Variants in SRRM2 observed in about 807,000 individuals in gnomAD.
SRRM2 encodes serine/arginine repetitive matrix protein 2.
In SRRM2, 30 loss-of-function variants were observed where a neutral mutation model predicts 213.8. The observed-to-expected ratio is 0.14, with a 90% CI of 0.10 to 0.19. SRRM2 has a LOEUF of 0.19. Among genes scored for constraint, SRRM2 ranks in the 10% least tolerant of loss-of-function variants. The probability of loss-of-function intolerance (pLI) is 1.00; values close to 1 mark genes in which losing one functional copy is unlikely to be tolerated. For missense variants in SRRM2, 4,904 were observed against 3,647.0 expected (o/e 1.34, Z -8.88); for synonymous variants, 2,025 against 1,377.7 (o/e 1.47, Z -10.40).
chr16:2,758,444 C>T, intron 4 of SRRM2, 26 bp from the exon 5 acceptor site: 1 of 1,588,782 alleles, frequency 6.3e-7, no homozygotes, highest in South Asian at 1.1e-5. Flanking sequence ...TACCACCCAT[C>T]TCTGCTGCTT....
chr16:2,767,943 C>G lies in SRRM2; in HGVS notation c.7415C>G (p.Ser2472Cys), dbSNP rs1483318740. ...GCCCAGACCACCCCTGTAGCAGGGT[C>G]TCAGTCCCTTTCCTCTGGGGCAGTG... ...LIAQTTPVAG[S>C]QSLSSGAVAT... The change falls in exon 11 of 15, where the codon TCT becomes TGT. Residue 2472 changes from serine to cysteine, a missense_variant. Physicochemically the swap from Ser to Cys is moderately radical, Grantham distance 112 (BLOSUM62 -1). Transcript: ENST00000301740. 5 of 1,614,096 alleles carry G rather than the reference C, an allele frequency of 3.1e-6. No homozygotes were observed. Among genetic ancestry groups the G allele is most frequent in the Non-Finnish European group, 4.2e-6 (5 of 1,180,044 alleles).
chr16:2,753,668 C>G (rs868149351), intron 1 of SRRM2: 2 of 152,218 alleles, frequency 1.3e-5, no homozygotes, highest in Non-Finnish European at 2.9e-5. Context: ...CGTTCTTTGG[C>G]ACACAGCTCT....
intron 13 of SRRM2, 50 bp from the exon 14 acceptor site, chr16:2,770,554 G>A: frequency 6.4e-7 from 1 of 1,551,424 alleles, no homozygotes; most frequent in Non-Finnish European, 8.7e-7. Flanking sequence ...TGGCTATGTG[G>A]TGCCTGAGGT....
In SRRM2 at chr16:2,758,354, G is replaced by A. The variant is rs148008969; in HGVS notation, c.516-116G>A. The A allele has an allele frequency of 4.0e-4, 396 of 987,314 alleles. No individual in the cohort carries two copies. In the African/African-American group the frequency reaches 5.7e-3, roughly 14 times the overall value. 61.2% of individuals were successfully genotyped at this position (987,314 alleles called of 1,614,324 possible). ...CCACTGCACCCCACCTGAGGCAACA[G>A]AGCGAGACTCTTATTTTTTTATTTT... On this transcript the variant is annotated intron_variant, in intron 4 of 14. Coordinates refer to ENST00000301740, the MANE Select transcript of SRRM2 (RefSeq NM_016333.4).
Position 2,765,795 on chromosome 16 carries a change from C to G in SRRM2, c.5267C>G (p.Thr1756Ser). 2 of 1,614,114 alleles carry G rather than the reference C, an allele frequency of 1.2e-6. No individual in the cohort carries two copies. Among genetic ancestry groups the G allele is most frequent in the Non-Finnish European group, 1.7e-6 (2 of 1,180,048 alleles). ...RSASSPRTKT[T>S]SRRGRSPSPK... is the part of the protein sequence containing the mutation. ...GCTTCATCTCCACGCACTAAGACAA[C>G]CTCAAGGAGAGGCCGCTCTCCTTCG... Residue 1756 changes from threonine to serine, a missense_variant, in exon 11 of 15, where the codon ACC becomes AGC. Thr to Ser is a moderately conservative substitution (Grantham distance 58). Transcript: ENST00000301740.
chr16:2,762,137 C>T lies in SRRM2; in HGVS notation c.1609C>T (p.Pro537Ser), dbSNP rs201388685. Residue 537 changes from proline (P) to serine (S), a missense_variant, in exon 11 of 15, where the codon CCT becomes TCT. By Grantham distance (74) the Pro-to-Ser change is moderately conservative. Coordinates refer to ENST00000301740, the MANE Select transcript of SRRM2 (RefSeq NM_016333.4). ...SPQRRGRSRSPQRPGWSRSRN... is the reference protein window; with the variant it reads ...SPQRRGRSRSSQRPGWSRSRN... ...CCAGCGACGTGGCCGCTCTAGGTCTCCTCAGCGACCAGGCTGGTCTAGGAG... is the reference window on the plus strand; with the variant it reads ...CCAGCGACGTGGCCGCTCTAGGTCTTCTCAGCGACCAGGCTGGTCTAGGAG... 3.8e-5 allele frequency: 61 copies of T among 1,613,478 alleles called. No individual in the cohort carries two copies. The highest frequency in any genetic ancestry group is 1.7e-4 in the Admixed American group (10 of 59,960).
chr16:2,757,645 C>G (rs2068193357), intron 3 of SRRM2, 66 bp downstream of exon 3: 3 of 1,583,632 alleles, frequency 1.9e-6, no homozygotes, highest in East Asian at 4.5e-5. Flanking sequence ...TGCTGCTGTC[C>G]TTTTCCTTAC....
Position 2,766,765 on chromosome 16 carries a change from T to G in SRRM2, c.6237T>G (p.Ser2079=). ...CTCCTCCAGCCATCCGCAGGCGTTCTGCATCTGGAAGTAGTTCTGATCGTT... is the reference window on the plus strand; with the variant it reads ...CTCCTCCAGCCATCCGCAGGCGTTCGGCATCTGGAAGTAGTTCTGATCGTT... The part of the protein sequence containing the change: ...TRSPPAIRRR[S]ASGSSSDRSR... The change falls in exon 11 of 15, where the codon TCT becomes TCG. Residue 2079 remains serine (S), a synonymous_variant. Coordinates refer to ENST00000301740, the MANE Select transcript of SRRM2 (RefSeq NM_016333.4). The surrounding 1 kb of genome is among the most constrained non-coding windows in gnomAD (Gnocchi z 7.0). 6.2e-7 allele frequency: 1 copy of G among 1,614,200 alleles called. No individual in the cohort carries two copies. The highest frequency in any genetic ancestry group is 8.5e-7 in the Non-Finnish European group (1 of 1,180,038).
rs1439636533 is a variant in SRRM2, at chr16:2,762,275, A to C, written c.1747A>C (p.Arg583=). The C allele has an allele frequency of 6.2e-7, 1 of 1,614,028 alleles. No homozygotes were observed. Among genetic ancestry groups the C allele is most frequent in the East Asian group, 2.2e-5 (1 of 44,894 alleles). Residue 583 remains arginine (R), a synonymous_variant, in exon 11 of 15, where the codon AGG becomes CGG. Coordinates refer to ENST00000301740, the MANE Select transcript of SRRM2 (RefSeq NM_016333.4). ...TTCTAGAACACCAGCCCGCCGGGGCAGGTCCCGCTCTAGAACACCTGCCAG... is the reference window on the plus strand; with the variant it reads ...TTCTAGAACACCAGCCCGCCGGGGCCGGTCCCGCTCTAGAACACCTGCCAG... ...SRSRTPARRG[R]SRSRTPARRR... is the part of the protein sequence containing the mutation.
At position 2,762,125 on chromosome 16, in the gene SRRM2, C is replaced by T. The variant is rs137870448; in HGVS notation, c.1597C>T (p.Arg533Cys). The part of the protein sequence containing the change: ...GRSRSPQRRG[R>C]SRSPQRPGWS... ...ATCTAGAAGCCCCCAGCGACGTGGC[C>T]GCTCTAGGTCTCCTCAGCGACCAGG... The change falls in exon 11 of 15, where the codon CGC becomes TGC. Residue 533 changes from arginine (R) to cysteine (C), a missense_variant. Coordinates refer to ENST00000301740, the MANE Select transcript of SRRM2 (RefSeq NM_016333.4). 102 of 1,614,198 alleles carry T rather than the reference C, an allele frequency of 6.3e-5. No homozygotes were observed. The African/African-American group carries it at 8.4e-4, about 13-fold the overall frequency.
Position 2,761,961 on chromosome 16 carries a change from C to T in SRRM2, c.1433C>T (p.Ser478Phe), listed in dbSNP as rs140370418. The change falls in exon 11 of 15, where the codon TCC becomes TTC. Residue 478 changes from serine (S) to phenylalanine (F), a missense_variant. Physicochemically the swap from Ser to Phe is radical, Grantham distance 155. Transcript: ENST00000301740. ...GATAAATCACATTCTCATACCCCCT[C>T]CCGTAGGATGGGGAGGTCCCGTAGC... Reference protein sequence around the residue: ...KRDKSHSHTPSRRMGRSRSPA... With the variant: ...KRDKSHSHTPFRRMGRSRSPA... 2.4e-4 allele frequency: 387 copies of T among 1,614,110 alleles called. 1 individual carries two copies. The East Asian group carries it at 6.6e-3, about 28-fold the overall frequency.
In SRRM2 at chr16:2,767,155, C is replaced by T. The variant is rs1304274679; in HGVS notation, c.6627C>T (p.Ser2209=). The change falls in exon 11 of 15, where the codon TCC becomes TCT. Residue 2209 remains serine (S), a synonymous_variant. Transcript: ENST00000301740. The part of the protein sequence containing the change: ...MSAAGLAARM[S]QVPAPVPLMS... ...CTGCTGGCCTTGCTGCAAGAATGTCCCAGGTTCCAGCCCCGGTGCCTCTCA... is the reference window on the plus strand; with the variant it reads ...CTGCTGGCCTTGCTGCAAGAATGTCTCAGGTTCCAGCCCCGGTGCCTCTCA... 9.3e-6 allele frequency: 15 copies of T among 1,614,212 alleles called. No individual in the cohort carries two copies. The South Asian group carries it at 1.6e-4, about 18-fold the overall frequency.
chr16:2,767,498 C>T lies in SRRM2; in HGVS notation c.6970C>T (p.Pro2324Ser), dbSNP rs61747731. 272 of 1,614,202 alleles carry T rather than the reference C, an allele frequency of 1.7e-4. No individual in the cohort carries two copies. Among genetic ancestry groups the T allele is most frequent in the East Asian group, 6.0e-4 (27 of 44,890 alleles). ...SGTPPTAANY[P>S]SSSRTPQAPA... is the part of the protein sequence containing the mutation. ...CACACCACCAACTGCTGCAAACTAT[C>T]CCTCCAGCTCCAGAACACCACAGGC... Residue 2324 changes from proline to serine, a missense_variant, in exon 11 of 15, where the codon CCC (proline) becomes TCC (serine). By Grantham distance (74) the Pro-to-Ser change is moderately conservative. Coordinates refer to ENST00000301740, the MANE Select transcript of SRRM2 (RefSeq NM_016333.4).
At position 2,759,192 on chromosome 16, in the gene SRRM2, T is replaced by TA. The variant is rs1176303438; in HGVS notation, c.689+21dup. The TA allele has an allele frequency of 6.2e-7, 1 of 1,613,764 alleles. No individual in the cohort carries two copies. The highest frequency in any genetic ancestry group is 8.5e-7 in the Non-Finnish European group (1 of 1,179,922). The stretch of plus-strand genomic sequence containing the variant: ...GCATAGGTAAGAGCTCTTTAACTCA[T>TA]AGGGGGCGCAGTGGCATGTGGAGTG... On this transcript the variant is annotated intron_variant, in intron 7 of 14. Coordinates refer to ENST00000301740, the MANE Select transcript of SRRM2 (RefSeq NM_016333.4).
rs374083512 is a variant in SRRM2, at chr16:2,762,267, G to T, written c.1739G>T (p.Arg580Leu). Reference sequence around the variant, plus strand: ...AGATCTCGTTCTAGAACACCAGCCCGCCGGGGCAGGTCCCGCTCTAGAACA... The same window carrying T: ...AGATCTCGTTCTAGAACACCAGCCCTCCGGGGCAGGTCCCGCTCTAGAACA... ...RGRSRSRTPA[R>L]RGRSRSRTPA... is the part of the protein sequence containing the mutation. Residue 580 changes from arginine (R) to leucine (L), a missense_variant, in exon 11 of 15, where the codon CGC becomes CTC. By Grantham distance (102) the Arg-to-Leu change is moderately radical. Coordinates refer to ENST00000301740, the MANE Select transcript of SRRM2 (RefSeq NM_016333.4). 1.1e-5 allele frequency: 18 copies of T among 1,605,860 alleles called. No individual in the cohort carries two copies. The African/African-American group carries it at 1.9e-4, about 17-fold the overall frequency.
rs761864822 is a variant in SRRM2, at chr16:2,764,542, A to G, written c.4014A>G (p.Pro1338=). The G allele has an allele frequency of 6.2e-7, 1 of 1,614,242 alleles. No individual in the cohort carries two copies. Among genetic ancestry groups the G allele is most frequent in the East Asian group, 2.2e-5 (1 of 44,892 alleles). The change falls in exon 11 of 15, where the codon CCA becomes CCG. Residue 1338 remains proline, a synonymous_variant. Coordinates refer to ENST00000301740, the MANE Select transcript of SRRM2 (RefSeq NM_016333.4). ...GSPLEFRNSG[P]LGTEMNTGFS... ...CTTTAGAATTTAGAAACTCAGGCCC[A>G]CTTGGTACAGAAATGAATACTGGAT...
chr16:2,757,313 A>T (rs1273181979), intron 2 of SRRM2, among the ~76,000 whole-genome samples, 159 bp from the exon 3 acceptor site: 1 of 152,106 alleles, frequency 6.6e-6, no homozygotes, highest in African/African-American at 2.4e-5. Context: ...GGGAAGAAAG[A>T]TGATGGGAAA....
chr16:2,755,709 G>A (rs2068117020), intron 1 of SRRM2, among the ~76,000 whole-genome samples: 1 of 152,190 alleles, frequency 6.6e-6, no homozygotes, highest in Admixed American at 6.5e-5. Context: ...GTGCATGCTG[G>A]CCTTTAGTTG....
chr16:2,758,013 C>T (rs892525359), intron 4 of SRRM2, 68 bp downstream of exon 4: 3 of 1,530,268 alleles, frequency 2.0e-6, no homozygotes, highest in East Asian at 4.5e-5. Context: ...CTATTTTTGT[C>T]TTTTTGCGGG....
Sources: gnomAD v4.1 joint callset for allele counts (sites outside exome capture counted in the v4.1 genomes callset) on GRCh38, gnomAD v4.1.1 for gene constraint, Gnocchi (gnomAD v3.1) non-coding constraint, MANE v1.5 for transcripts, NCBI Gene and HGNC (gene_info 2026-07-23, HGNC 2026-07-21) for gene names.